Variants in TAFA2 observed in about 807,000 individuals in gnomAD.
The protein encoded by TAFA2 is TAFA chemokine like family member 2, also known as chemokine-like protein TAFA-2.
Under a neutral mutation model 18.8 loss-of-function variants are expected in TAFA2, and 7 were observed. The ratio of observed to expected loss-of-function variants is 0.37; its 90% CI spans 0.21 to 0.70. The LOEUF is 0.70. TAFA2 is among the 30% of genes least tolerant of loss of function. TAFA2 has a pLI of 0.53. For missense variants in TAFA2, 122 were observed against 158.1 expected (o/e 0.77, Z 1.23); for synonymous variants, 60 against 54.2 (o/e 1.11, Z -0.47).
At chr12:62,060,073 GC>G (rs1320275381) in intron 1 of TAFA2, among the ~76,000 whole-genome samples, 2 of 152,088 alleles carry the variant, frequency 1.3e-5, no homozygotes. Flanking sequence ...CAGGAGTCTT[GC>G]CTTGCTTTCT....
intron 1 of TAFA2, among the ~76,000 whole-genome samples, chr12:62,159,211 C>T (rs889996907): frequency 6.6e-6 from 1 of 152,158 alleles, no homozygotes; most frequent in African/African-American, 2.4e-5. Flanking sequence ...TTGCCACATG[C>T]AGAGTCACTC....
chr12:62,101,217 G>A (rs536169942), intron 1 of TAFA2, among the ~76,000 whole-genome samples: 2 of 152,048 alleles, frequency 1.3e-5, no homozygotes, highest in East Asian at 1.9e-4. Flanking sequence ...ATTATGGAAC[G>A]AATTACCCAT....
At chr12:62,098,250 A>G (rs1869031773) in intron 1 of TAFA2, among the ~76,000 whole-genome samples, 1 of 152,092 alleles carries the variant, frequency 6.6e-6, no homozygotes. Context: ...CACTCATCAG[A>G]GTTTCAGCAG....
At chr12:61,947,178 A>G (rs1878299010) in intron 1 of TAFA2, among the ~76,000 whole-genome samples, 1 of 147,074 alleles carries the variant, frequency 6.8e-6, no homozygotes, top group Non-Finnish European at 1.5e-5. Flanking sequence ...GAAATTAGAA[A>G]CCATCATTCT....
chr12:62,108,164 T>A (rs1311427239), intron 1 of TAFA2, among the ~76,000 whole-genome samples: 1 of 151,400 alleles, frequency 6.6e-6, no homozygotes, highest in Admixed American at 6.6e-5. Flanking sequence ...CAGGCCCCAG[T>A]GTGTGATGTT....
chr12:62,024,231 C>T (rs1223591850), intron 1 of TAFA2, among the ~76,000 whole-genome samples: 1 of 152,104 alleles, frequency 6.6e-6, no homozygotes, highest in Non-Finnish European at 1.5e-5. Context: ...TTGATATATG[C>T]TATTGGAAAT....
At chr12:62,009,975 G>A (rs1880676022) in intron 1 of TAFA2, among the ~76,000 whole-genome samples, 1 of 152,082 alleles carries the variant, frequency 6.6e-6, no homozygotes, top group South Asian at 2.1e-4. Flanking sequence ...TCCCCTGCCA[G>A]AAAAGAATAA....
At chr12:61,950,327 G>T (rs1289295454) in intron 1 of TAFA2, among the ~76,000 whole-genome samples, 1 of 152,038 alleles carries the variant, frequency 6.6e-6, no homozygotes. Context: ...TTTAATTTTT[G>T]GAGGAACCTC....
chr12:62,104,189 A>C (rs1319334043), intron 1 of TAFA2, among the ~76,000 whole-genome samples: 1 of 152,200 alleles, frequency 6.6e-6, no homozygotes, highest in Non-Finnish European at 1.5e-5. Context: ...GTAATAATTA[A>C]AAGGAAAAGT....
At chr12:62,257,553 T>G (rs1360526401) in intron 1 of TAFA2, among the ~76,000 whole-genome samples, 3 of 152,182 alleles carry the variant, frequency 2.0e-5, no homozygotes, top group African/African-American at 7.2e-5. Flanking sequence ...TCCTAGAGAA[T>G]CTCTAATTTC....
chr12:61,897,430 A>G (rs956456272), intron 1 of TAFA2, among the ~76,000 whole-genome samples: 1 of 146,052 alleles, frequency 6.8e-6, no homozygotes, highest in East Asian at 1.9e-4. Context: ...AGTAATTTAT[A>G]AAAAAAAAGA....
At chr12:61,724,234 T>C (rs1008489304) in intron 4 of TAFA2, among the ~76,000 whole-genome samples, 4 of 152,128 alleles carry the variant, frequency 2.6e-5, no homozygotes, top group African/African-American at 9.7e-5. Context: ...GATACTTTGA[T>C]TTGGGGTTTC....
At chr12:62,058,197 T>C (rs1565730529) in intron 1 of TAFA2, among the ~76,000 whole-genome samples, 1 of 152,200 alleles carries the variant, frequency 6.6e-6, no homozygotes, top group Non-Finnish European at 1.5e-5. Flanking sequence ...GTCTTTACTG[T>C]GGAGCTGATT....
intron 1 of TAFA2, among the ~76,000 whole-genome samples, chr12:61,956,586 T>G (rs1465373363): frequency 1.3e-5 from 2 of 151,494 alleles, no homozygotes; most frequent in Non-Finnish European, 2.9e-5. Context: ...TGGTGTTTTT[T>G]TGGTTTGAGG....
intron 1 of TAFA2, among the ~76,000 whole-genome samples, chr12:61,957,307 G>T (rs1390194745): frequency 1.3e-5 from 2 of 152,140 alleles, no homozygotes; most frequent in Non-Finnish European, 2.9e-5. Flanking sequence ...TGTTAAAACA[G>T]TAGGGAAGAC....
At chr12:61,850,248 G>A (rs1873587215) in intron 2 of TAFA2, among the ~76,000 whole-genome samples, 1 of 151,818 alleles carries the variant, frequency 6.6e-6, no homozygotes, top group South Asian at 2.1e-4. Context: ...AGATTGACAA[G>A]CACTTCTCTA....
intron 4 of TAFA2, among the ~76,000 whole-genome samples, chr12:61,745,182 C>T (rs1249714389): frequency 6.6e-6 from 1 of 152,028 alleles, no homozygotes; most frequent in Non-Finnish European, 1.5e-5. Flanking sequence ...AGTTAAACGA[C>T]CTAAATTTAG....
intron 1 of TAFA2, among the ~76,000 whole-genome samples, chr12:62,157,205 G>T (rs987946781): frequency 1.3e-5 from 2 of 151,720 alleles, no homozygotes; most frequent in Admixed American, 1.3e-4. Context: ...GACTTATTGT[G>T]TTTTTTTCTT....
intron 1 of TAFA2, among the ~76,000 whole-genome samples, chr12:62,147,548 T>C (rs2062294319): frequency 6.7e-6 from 1 of 149,116 alleles, no homozygotes. Flanking sequence ...GCTAACACAG[T>C]GAACCCTTGT....
Sources: allele counts gnomAD v4.1 joint callset (sites outside exome capture counted in the v4.1 genomes callset), GRCh38; gene constraint gnomAD v4.1.1; transcripts MANE v1.5; gene names NCBI Gene and HGNC (gene_info 2026-07-23, HGNC 2026-07-21).